Variants in PRDM5 observed in about 807,000 individuals in gnomAD.
PRDM5 encodes PR domain zinc finger protein 5.
Under a neutral mutation model 81.2 loss-of-function variants are expected in PRDM5, and 56 were observed. The ratio of observed to expected loss-of-function variants is 0.69; its 90% confidence interval spans 0.56 to 0.86. The LOEUF (loss-of-function observed/expected upper bound fraction) is 0.86, where lower values mean the gene tolerates loss of function less well. Among genes scored for constraint, PRDM5 ranks in the 40% least tolerant of loss-of-function variants. The pLI, the probability that PRDM5 is intolerant of heterozygous loss-of-function variation, is 0.00. For synonymous variants in PRDM5, 267 were observed against 256.4 expected (o/e 1.04, Z -0.39); for missense variants, 697 against 770.1 (o/e 0.91, Z 1.12).
intron 2 of PRDM5, among the ~76,000 whole-genome samples, chr4:120,868,441 G>C (rs1283870190): frequency 6.6e-6 from 1 of 150,860 alleles, no homozygotes; most frequent in Admixed American, 6.8e-5. Flanking sequence ...GCTTCTAAAT[G>C]AGTTATTTTT....
chr4:120,846,461 G>A (rs1758663799), intron 3 of PRDM5, among the ~76,000 whole-genome samples: 1 of 152,142 alleles, frequency 6.6e-6, no homozygotes, highest in Non-Finnish European at 1.5e-5. Flanking sequence ...CTCATTGAAG[G>A]CTCAGATAAT....
chr4:120,724,678 T>C (rs1168840802), intron 14 of PRDM5, among the ~76,000 whole-genome samples: 2 of 152,182 alleles, frequency 1.3e-5, no homozygotes, highest in Non-Finnish European at 2.9e-5. Flanking sequence ...AAAGGAATTA[T>C]GTACATGTAA....
At chr4:120,783,771 G>T (rs1356745702) in intron 11 of PRDM5, among the ~76,000 whole-genome samples, 1 of 152,062 alleles carries the variant, frequency 6.6e-6, no homozygotes, top group Admixed American at 6.6e-5. Context: ...GCTGAATGCA[G>T]AATGACCTGA....
At chr4:120,730,205 C>T (rs115347977) in intron 14 of PRDM5, among the ~76,000 whole-genome samples, 2,513 of 152,164 alleles carry the variant, frequency 0.017, 64 homozygotes, top group African/African-American at 0.057. Context: ...GCCTCACTTC[C>T]CTCTTCTGTA....
Position 120,776,065 on chromosome 4 carries a change from C to T in PRDM5, c.1537+1123G>A, listed in dbSNP as rs1005370377. Among the ~76,000 whole-genome samples the T allele has an allele frequency of 3.9e-5, 6 of 152,094 alleles. No homozygotes were observed. In the South Asian group the frequency reaches 6.2e-4, roughly 16 times the overall value. On this transcript the variant is annotated intron_variant, in intron 13 of 15. Transcript: ENST00000264808. ...CTGCCCTCTGCTTTTCATTTTGGGG[C>T]TCTCTGCTTCTGCAACACTTGATCC...
chr4:120,806,637 G>C (rs1177624388), intron 8 of PRDM5, among the ~76,000 whole-genome samples: 1 of 152,150 alleles, frequency 6.6e-6, no homozygotes, highest in Admixed American at 6.5e-5. Flanking sequence ...GGGAAAACTG[G>C]CTAGCCATAG....
chr4:120,902,493 C>A (rs753615598), intron 2 of PRDM5, among the ~76,000 whole-genome samples: 1 of 152,078 alleles, frequency 6.6e-6, no homozygotes, highest in Non-Finnish European at 1.5e-5. Flanking sequence ...AACCACCTGG[C>A]AAAAAGTAGA....
chr4:120,822,630 T>G (rs1366928910), intron 3 of PRDM5, among the ~76,000 whole-genome samples: 1 of 152,190 alleles, frequency 6.6e-6, no homozygotes, highest in East Asian at 1.9e-4. Flanking sequence ...ACAGTTATTT[T>G]GAGGATGGGA....
chr4:120,720,223 A>G (rs943679422), intron 14 of PRDM5, among the ~76,000 whole-genome samples: 1 of 152,194 alleles, frequency 6.6e-6, no homozygotes, highest in Non-Finnish European at 1.5e-5. Context: ...TCCTCCAAGA[A>G]TAAAAGAGAG....
chr4:120,751,593 T>C (rs915368448), intron 14 of PRDM5, among the ~76,000 whole-genome samples: 1 of 151,970 alleles, frequency 6.6e-6, no homozygotes, highest in Non-Finnish European at 1.5e-5. Flanking sequence ...CACAACTAGG[T>C]ACAACACAGT....
At chr4:120,714,543 C>T (rs116044726) in intron 14 of PRDM5, among the ~76,000 whole-genome samples, 3,281 of 152,176 alleles carry the variant, frequency 0.022, 51 homozygotes, top group Non-Finnish European at 0.033. Flanking sequence ...TCATAAGCAA[C>T]GCATGTTGTT....
intron 1 of PRDM5, among the ~76,000 whole-genome samples, chr4:120,920,286 T>C (rs921263131): frequency 2.0e-5 from 3 of 152,254 alleles, no homozygotes; most frequent in Non-Finnish European, 4.4e-5. Flanking sequence ...ATATGTGTTA[T>C]AAAAGTGTGG....
intron 13 of PRDM5, among the ~76,000 whole-genome samples, chr4:120,770,941 A>T (rs559591005): frequency 9.9e-4 from 150 of 152,280 alleles, no homozygotes; most frequent in African/African-American, 3.6e-3. Context: ...GCAGTTAATA[A>T]TTTAGTAGAT....
chr4:120,830,359 C>T (rs1756560552), intron 3 of PRDM5, among the ~76,000 whole-genome samples: 1 of 152,072 alleles, frequency 6.6e-6, no homozygotes, highest in Non-Finnish European at 1.5e-5. Context: ...TTGGCCGCCG[C>T]TCTCTTTCCC....
chr4:120,792,610 T>A lies in PRDM5; in HGVS notation c.1188+5657A>T, dbSNP rs114935384. Among the ~76,000 whole-genome samples the A allele has an allele frequency of 7.7e-3, 1,168 of 152,238 alleles. 16 individuals are homozygous for A. Among genetic ancestry groups the A allele is most frequent in the African/African-American group, 0.026 (1,097 of 41,522 alleles). On this transcript the variant is annotated intron_variant, in intron 10 of 15. Coordinates refer to ENST00000264808, the MANE Select transcript of PRDM5 (RefSeq NM_018699.4). ...GAAATCAGTTTGTCAAAGAGACACCTACACTCTCAGGTTCATTGCGTAAAA... is the reference window on the plus strand; with the variant it reads ...GAAATCAGTTTGTCAAAGAGACACCAACACTCTCAGGTTCATTGCGTAAAA...
intron 10 of PRDM5, among the ~76,000 whole-genome samples, chr4:120,792,890 T>C (rs6827372): frequency 0.38 from 58,187 of 151,758 alleles, 11,335 homozygotes; most frequent in East Asian, 0.5. Flanking sequence ...AGAACGGTGG[T>C]TGCCAGGAAC....
At chr4:120,704,819 G>A (rs371823572) in intron 15 of PRDM5, among the ~76,000 whole-genome samples, 80 of 152,268 alleles carry the variant, frequency 5.3e-4, no homozygotes, top group Non-Finnish European at 3.8e-4. Context: ...TGTCCTAAGC[G>A]GGGGAATGAT....
chr4:120,848,807 C>T (rs1194717256), intron 3 of PRDM5, among the ~76,000 whole-genome samples: 1 of 152,126 alleles, frequency 6.6e-6, no homozygotes, highest in Admixed American at 6.6e-5. Context: ...TAAAAACTCA[C>T]GGGACCAATT....
At chr4:120,725,150 A>C (rs1739207252) in intron 14 of PRDM5, among the ~76,000 whole-genome samples, 1 of 152,170 alleles carries the variant, frequency 6.6e-6, no homozygotes, top group South Asian at 2.1e-4. Context: ...TAAACGAGAA[A>C]TGTTTATTCT....
Sources: allele counts gnomAD v4.1 joint callset (sites outside exome capture counted in the v4.1 genomes callset), GRCh38; gene constraint gnomAD v4.1.1; transcripts MANE v1.5; gene names NCBI Gene and HGNC (gene_info 2026-07-23, HGNC 2026-07-21).